TRPS1: variants seen among roughly 807,000 people sequenced by gnomAD.
TRPS1 encodes zinc finger transcription factor Trps1.
A neutral mutation model predicts 101.2 loss-of-function variants in TRPS1; 6 were observed. The ratio of observed to expected loss-of-function variants is 0.06; its 90% CI spans 0.03 to 0.12. The LOEUF is 0.12. Among genes scored for constraint, TRPS1 ranks in the 10% least tolerant of loss-of-function variants. The pLI is 1.00. For synonymous variants in TRPS1, 578 were observed against 589.8 expected (o/e 0.98, Z 0.29); for missense variants, 1,363 against 1,567.0 (o/e 0.87, Z 2.20).
chr8:115,415,364 T>C (rs917687715), intron 6 of TRPS1, among the ~76,000 whole-genome samples: 1 of 152,154 alleles, frequency 6.6e-6, no homozygotes, highest in African/African-American at 2.4e-5. Flanking sequence ...GATTTTGAGA[T>C]TGCATCATTT....
chr8:115,520,544 T>C (rs1267075168), intron 5 of TRPS1, among the ~76,000 whole-genome samples: 1 of 151,804 alleles, frequency 6.6e-6, no homozygotes, highest in Non-Finnish European at 1.5e-5. Context: ...TCTATTATTT[T>C]TATCTGTTAG....
At chr8:115,479,255 A>G (rs967066949) in intron 5 of TRPS1, among the ~76,000 whole-genome samples, 1 of 152,170 alleles carries the variant, frequency 6.6e-6, no homozygotes, top group African/African-American at 2.4e-5. Flanking sequence ...AACATTTATC[A>G]TGCTCTTACG....
chr8:115,617,972 A>G (rs1818308685), intron 3 of TRPS1, among the ~76,000 whole-genome samples: 1 of 152,188 alleles, frequency 6.6e-6, no homozygotes, highest in Admixed American at 6.5e-5. Flanking sequence ...GGACCAGGAA[A>G]TTTCTCTTCT....
intron 5 of TRPS1, among the ~76,000 whole-genome samples, chr8:115,472,354 C>A (rs1275686108): frequency 6.6e-6 from 1 of 152,166 alleles, no homozygotes; most frequent in Non-Finnish European, 1.5e-5. Flanking sequence ...TAAGTTGGCC[C>A]CTTTAAGCCA....
intron 5 of TRPS1, among the ~76,000 whole-genome samples, chr8:115,578,713 G>T (rs930267155): frequency 6.6e-6 from 1 of 152,022 alleles, no homozygotes; most frequent in Non-Finnish European, 1.5e-5. Context: ...GGATACATTA[G>T]ATGCCAAAAT....
At chr8:115,535,261 A>AGCATATATC in intron 5 of TRPS1, among the ~76,000 whole-genome samples, 1 of 146,286 alleles carries the variant, frequency 6.8e-6, no homozygotes, top group African/African-American at 2.5e-5. Flanking sequence ...TAGCATATAT[A>AGCATATATC]TAGCATATAT....
intron 1 of TRPS1, among the ~76,000 whole-genome samples, chr8:115,636,149 T>G (rs1489604129): frequency 6.6e-6 from 1 of 151,978 alleles, no homozygotes; most frequent in Non-Finnish European, 1.5e-5. Flanking sequence ...TTATATTCTA[T>G]ATATTACATA....
intron 5 of TRPS1, among the ~76,000 whole-genome samples, chr8:115,537,214 T>A (rs537598179): frequency 6.6e-6 from 1 of 152,222 alleles, no homozygotes; most frequent in South Asian, 2.1e-4. Flanking sequence ...AAATCTTAGA[T>A]GTTGTGTTGT....
chr8:115,568,707 A>T (rs1817131465), intron 5 of TRPS1, among the ~76,000 whole-genome samples: 1 of 152,106 alleles, frequency 6.6e-6, no homozygotes, highest in Admixed American at 6.6e-5. Flanking sequence ...CCACATCTCT[A>T]AACTTATATA....
chr8:115,484,321 T>C (rs1169050522), intron 5 of TRPS1, among the ~76,000 whole-genome samples: 2 of 152,158 alleles, frequency 1.3e-5, no homozygotes, highest in Non-Finnish European at 2.9e-5. Flanking sequence ...CTAATATATA[T>C]TCAATTTCAG....
intron 5 of TRPS1, among the ~76,000 whole-genome samples, chr8:115,485,063 C>T (rs984048747): frequency 6.6e-6 from 1 of 152,138 alleles, no homozygotes; most frequent in African/African-American, 2.4e-5. Context: ...ATTTAGGTCC[C>T]AAATAGTTGA....
intron 1 of TRPS1, among the ~76,000 whole-genome samples, chr8:115,636,420 C>T (rs1818768770): frequency 6.6e-6 from 1 of 152,060 alleles, no homozygotes; most frequent in African/African-American, 2.4e-5. Flanking sequence ...AATATCCAAT[C>T]AATTAATTTA....
At chr8:115,592,315 T>C (rs1270222533) in intron 4 of TRPS1, among the ~76,000 whole-genome samples, 1 of 152,128 alleles carries the variant, frequency 6.6e-6, no homozygotes, top group Non-Finnish European at 1.5e-5. Context: ...ACTAGCTACA[T>C]CATGGCTCTA....
chr8:115,411,615 T>A lies in TRPS1; in HGVS notation c.*2408A>T, dbSNP rs560380381. ...CATTTTGAGATGCATCCATCAAAAT[T>A]CCTAAGGAAGATAAATTACATCACA... On this transcript the variant is annotated 3_prime_UTR_variant, in exon 7 of 7. Coordinates refer to ENST00000395715, the MANE Select transcript of TRPS1 (RefSeq NM_014112.5). 1 of 152,602 alleles carries A rather than the reference T, an allele frequency of 6.6e-6. No individual in the cohort carries two copies. The highest frequency in any genetic ancestry group is 1.9e-4 in the East Asian group (1 of 5,150). 9.5% of individuals were successfully genotyped at this position (152,602 alleles called of 1,614,324 possible). A position where few individuals can be genotyped will look rare whatever the true frequency, so the allele number is the denominator to read the frequency against.
intron 5 of TRPS1, among the ~76,000 whole-genome samples, chr8:115,489,998 T>TAG (rs1279979097): frequency 6.6e-5 from 10 of 152,236 alleles, no homozygotes; most frequent in Non-Finnish European, 1.5e-4. Context: ...TAGCTAAATG[T>TAG]AAGAGTAGAA....
chr8:115,600,178 A>C (rs1817878496), intron 4 of TRPS1, among the ~76,000 whole-genome samples: 1 of 152,050 alleles, frequency 6.6e-6, no homozygotes, highest in African/African-American at 2.4e-5. Flanking sequence ...TTGCTTGATG[A>C]TTTTTTAATT....
intron 4 of TRPS1, among the ~76,000 whole-genome samples, chr8:115,592,555 A>G (rs969687651): frequency 6.6e-6 from 1 of 152,152 alleles, no homozygotes; most frequent in African/African-American, 2.4e-5. Flanking sequence ...TTTGCTATAA[A>G]GTGCTCTTGA....
chr8:115,545,685 T>A (rs1373184196), intron 5 of TRPS1, among the ~76,000 whole-genome samples: 2 of 152,164 alleles, frequency 1.3e-5, no homozygotes, highest in African/African-American at 4.8e-5. Flanking sequence ...ATTCATATTT[T>A]AGATAAAGAT....
chr8:115,660,490 T>C (rs1811767527), intron 1 of TRPS1, among the ~76,000 whole-genome samples: 1 of 151,888 alleles, frequency 6.6e-6, no homozygotes, highest in African/African-American at 2.4e-5. Context: ...TTGGGACATA[T>C]ATAGCAGATA....
Sources: gnomAD v4.1 joint callset for allele counts (sites outside exome capture counted in the v4.1 genomes callset) on GRCh38, gnomAD v4.1.1 for gene constraint, MANE v1.5 for transcripts, NCBI Gene and HGNC (gene_info 2026-07-23, HGNC 2026-07-21) for gene names.